TAF2: variants seen among roughly 807,000 people sequenced by gnomAD.
TAF2 encodes TATA-box binding protein associated factor 2, also known as transcription initiation factor TFIID subunit 2.
Under a neutral mutation model 138.5 loss-of-function variants are expected in TAF2, and 61 were observed. That is an observed-to-expected ratio of 0.44 (90% CI 0.36 to 0.54). The LOEUF (loss-of-function observed/expected upper bound fraction) is 0.54, where lower values mean the gene tolerates loss of function less well. Among genes scored for constraint, TAF2 ranks in the 20% least tolerant of loss-of-function variants. The pLI is 0.00. For missense variants in TAF2, 1,090 were observed against 1,427.9 expected, an observed-to-expected ratio of 0.76 and a Z score of 3.81; for synonymous variants, 475 against 469.9, an observed-to-expected ratio of 1.01 and a Z score of -0.14.
intron 2 of TAF2, among the ~76,000 whole-genome samples, chr8:119,826,900 A>G (rs1826137480): frequency 6.6e-6 from 1 of 152,048 alleles, no homozygotes; most frequent in African/African-American, 2.4e-5. Flanking sequence ...CCTTCTTAAG[A>G]TATGTTTTTC....
intron 14 of TAF2, among the ~76,000 whole-genome samples, chr8:119,787,467 C>T (rs1052580551): frequency 1.3e-5 from 2 of 151,842 alleles, no homozygotes; most frequent in African/African-American, 2.4e-5. Flanking sequence ...GACATTTATG[C>T]GGCAACAAAC....
rs1001406463 is a variant in TAF2 at position 119,783,582 on chromosome 8, C to G, written c.1911G>C (p.Leu637Phe). 6.2e-7 allele frequency: 1 copy of G among 1,614,174 alleles called. No individual in the cohort carries two copies. ...WIRIDPDMSV[L>F]RKVEFEQADF... ...CAGCTTGCTCAAATTCTACCTTCCT[C>G]AATACTGACATATCTGGGTCTATCC... Residue 637 changes from leucine (L) to phenylalanine (F), a missense_variant, in exon 16 of 26, where the codon TTG (leucine) becomes TTC (phenylalanine). Transcript: ENST00000378164.
chr8:119,795,499 T>A, intron 9 of TAF2, 33 bp downstream of exon 9: 1 of 1,550,632 alleles, frequency 6.4e-7, no homozygotes, highest in Non-Finnish European at 8.9e-7. Context: ...GACATAAGAC[T>A]TGTAAGTGGA....
Position 119,832,829 on chromosome 8 carries a change from G to T in TAF2, c.-265C>A. 2.3e-6 allele frequency: 1 copy of T among 442,336 alleles called. No individual in the cohort carries two copies. The highest frequency in any genetic ancestry group is 3.5e-5 in the East Asian group (1 of 28,810). The allele number at this position is 442,336 out of a possible 1,614,324, so 27.4% of individuals were successfully genotyped here. A position where few individuals can be genotyped will look rare whatever the true frequency, so the allele number is the denominator to read the frequency against. On this transcript the variant is annotated 5_prime_UTR_variant, in exon 1 of 26. Transcript: ENST00000378164. ...CGAAGCTACCATCCGCCGACATCTT[G>T]TCTGTAACCTCTGACCTCCGACGTC...
intron 25 of TAF2, among the ~76,000 whole-genome samples, chr8:119,739,455 TCCTGC>T (rs1023256113): frequency 2.0e-5 from 3 of 152,104 alleles, no homozygotes; most frequent in Non-Finnish European, 4.4e-5. Context: ...CCACATATGA[TCCTGC>T]CCTAAAATAT....
intron 18 of TAF2, among the ~76,000 whole-genome samples, chr8:119,765,885 A>G (rs553153464): frequency 8.9e-4 from 135 of 152,304 alleles, no homozygotes; most frequent in South Asian, 2.9e-3. Context: ...TACTATTACT[A>G]ACACGCTTTT....
chr8:119,779,037 G>A (rs550915410), intron 17 of TAF2, among the ~76,000 whole-genome samples: 2 of 152,158 alleles, frequency 1.3e-5, no homozygotes, highest in African/African-American at 4.8e-5. Context: ...AGTACTATAG[G>A]AACAACTGAG....
chr8:119,759,478 A>G (rs1313370427), intron 20 of TAF2, among the ~76,000 whole-genome samples: 1 of 152,054 alleles, frequency 6.6e-6, no homozygotes, highest in East Asian at 1.9e-4. Context: ...CATACTTTTA[A>G]GTTTTTTACT....
chr8:119,800,000 T>C (rs1314154678), intron 6 of TAF2, among the ~76,000 whole-genome samples: 1 of 152,158 alleles, frequency 6.6e-6, no homozygotes, highest in Admixed American at 6.5e-5. Flanking sequence ...GATGGGGTTG[T>C]TTTTTTCTTG....
At chr8:119,805,448 G>A (rs35508827) in intron 4 of TAF2, among the ~76,000 whole-genome samples, 7 of 152,164 alleles carry the variant, frequency 4.6e-5, no homozygotes, top group African/African-American at 1.4e-4. Flanking sequence ...GCTCACGCCT[G>A]TAATCCCAGC....
rs563767483 is a variant in TAF2, at chr8:119,730,856, A to G, written c.*1068T>C. ...GTCCAAGATTCAAGTATTTTTGTCA[A>G]ACTTTCTAATGATAAGGGGAATGAT... On this transcript the variant is annotated 3_prime_UTR_variant, in exon 26 of 26. Coordinates refer to ENST00000378164, the MANE Select transcript of TAF2 (RefSeq NM_003184.4). 8.6e-4 allele frequency: 131 copies of G among 152,362 alleles called. No individual in the cohort carries two copies. The highest frequency in any genetic ancestry group is 3.1e-3 in the African/African-American group (130 of 41,594). 9.4% of individuals were successfully genotyped at this position (152,362 alleles called of 1,614,324 possible).
At chr8:119,788,016 C>T (rs1170448841) in intron 14 of TAF2, among the ~76,000 whole-genome samples, 1 of 152,100 alleles carries the variant, frequency 6.6e-6, no homozygotes, top group African/African-American at 2.4e-5. Context: ...CATGTTCTCA[C>T]TCATAAGTGG....
At chr8:119,783,724 G>T in intron 15 of TAF2, 91 bp from the exon 16 acceptor site, 2 of 1,461,438 alleles carry the variant, frequency 1.4e-6, no homozygotes, top group Non-Finnish European at 1.8e-6. Flanking sequence ...TATTTACCAG[G>T]TTTCCTTTTA....
chr8:119,748,113 G>A (rs1407836977), intron 22 of TAF2, among the ~76,000 whole-genome samples: 1 of 151,770 alleles, frequency 6.6e-6, no homozygotes, highest in African/African-American at 2.4e-5. Flanking sequence ...AACAGAGTGA[G>A]GCCTTGTCTC....
intron 3 of TAF2, 87 bp from the exon 4 acceptor site, chr8:119,806,488 T>A (rs1489214057): frequency 3.5e-5 from 33 of 940,634 alleles, no homozygotes; most frequent in South Asian, 3.2e-4. Context: ...TTTTTTTTTT[T>A]AGATGAAGTC....
At position 119,824,652 on chromosome 8, in the gene TAF2, C is replaced by T. The variant is rs188987030; in HGVS notation, c.139-5146G>A. Among the ~76,000 whole-genome samples the T allele has an allele frequency of 1.8e-3, 267 of 152,308 alleles. 1 individual carries two copies. The highest frequency in any genetic ancestry group is 5.7e-3 in the African/African-American group (239 of 41,582). ...TTGTGGGCCAGGCCCAGGGTCCCTA[C>T]GCTGTGTGCAGCCTAGGGACTTGAT... On this transcript the variant is annotated intron_variant, in intron 2 of 25. Coordinates refer to ENST00000378164, the MANE Select transcript of TAF2 (RefSeq NM_003184.4).
At chr8:119,830,608 T>G (rs895958562) in intron 2 of TAF2, among the ~76,000 whole-genome samples, 1 of 152,188 alleles carries the variant, frequency 6.6e-6, no homozygotes, top group East Asian at 1.9e-4. Context: ...TAATAAATCT[T>G]TTAGGAACAT....
intron 18 of TAF2, among the ~76,000 whole-genome samples, chr8:119,775,279 C>CAA (rs59665180): frequency 9.7e-4 from 98 of 100,764 alleles, no homozygotes; most frequent in Middle Eastern, 5.0e-3. Flanking sequence ...GATTCCATCT[C>CAA]AAAAAAAAAA....
intron 25 of TAF2, among the ~76,000 whole-genome samples, chr8:119,738,510 A>C (rs951023272): frequency 2.0e-5 from 3 of 152,198 alleles, no homozygotes; most frequent in African/African-American, 7.2e-5. Context: ...TAAACAGCAA[A>C]TATATCAGAG....
Sources: allele counts gnomAD v4.1 joint callset (sites outside exome capture counted in the v4.1 genomes callset), GRCh38; gene constraint gnomAD v4.1.1; transcripts MANE v1.5; gene names NCBI Gene and HGNC (gene_info 2026-07-23, HGNC 2026-07-21).